The following UCHL5 variants were observed in gnomAD, a reference collection of about 807,000 sequenced individuals.
The protein encoded by UCHL5 is ubiquitin C-terminal hydrolase L5.
UCHL5 carries 34 observed loss-of-function variants against 53.8 expected under a neutral mutation model. That is an observed-to-expected ratio of 0.63 (90% CI 0.48 to 0.84). The LOEUF is 0.84. UCHL5 is among the 40% of genes least tolerant of loss of function. The pLI, the probability that UCHL5 is intolerant of heterozygous loss-of-function variation, is 0.00. For missense variants in UCHL5, 290 were observed against 385.6 expected (o/e 0.75, Z 2.08); for synonymous variants, 111 against 126.3 (o/e 0.88, Z 0.81).
At chr1:193,046,329 C>A (rs1571850296) in intron 3 of UCHL5, among the ~76,000 whole-genome samples, 1 of 152,030 alleles carries the variant, frequency 6.6e-6, no homozygotes, top group African/African-American at 2.4e-5. Context: ...CCATGCCCGA[C>A]CAGATTATTT....
intron 3 of UCHL5, among the ~76,000 whole-genome samples, chr1:193,034,544 C>T (rs927851643): frequency 9.2e-5 from 14 of 152,012 alleles, no homozygotes; most frequent in African/African-American, 2.9e-4. Context: ...CTTAATTTTA[C>T]ACAAATTGTT....
rs535581107 is a variant in UCHL5, at chr1:193,056,989, A to T, written c.76+2196T>A. On this transcript the variant is annotated intron_variant, in intron 1 of 10. Transcript: ENST00000367454. ...TATCATTCTTTCATGCATGATCTCC[A>T]AGTTTTCTGCACATATGAAATTGAA... Among the ~76,000 whole-genome samples the T allele has an allele frequency of 8.5e-5, 13 of 152,336 alleles. No homozygotes were observed. The East Asian group carries it at 1.7e-3, about 20-fold the overall frequency.
intron 7 of UCHL5, among the ~76,000 whole-genome samples, chr1:193,025,585 A>G (rs1050911639): frequency 6.6e-6 from 1 of 151,992 alleles, no homozygotes; most frequent in African/African-American, 2.4e-5. Context: ...GGGCTAGAAC[A>G]CCCATCTCTG....
chr1:193,039,163 G>C (rs779901258), intron 3 of UCHL5, among the ~76,000 whole-genome samples: 2 of 152,186 alleles, frequency 1.3e-5, no homozygotes, highest in Non-Finnish European at 2.9e-5. Flanking sequence ...TACTTTGGGA[G>C]CCCAAGGCGG....
chr1:193,016,540 C>T (rs1220766504), intron 10 of UCHL5, 145 bp from the exon 11 acceptor site: 2 of 674,604 alleles, frequency 3.0e-6, no homozygotes, highest in Admixed American at 7.8e-5. Context: ...TGTTTTATAA[C>T]TTGAGACTTA....
chr1:193,027,581 A>G (rs1239905221), intron 7 of UCHL5, among the ~76,000 whole-genome samples: 1 of 152,172 alleles, frequency 6.6e-6, no homozygotes, highest in Non-Finnish European at 1.5e-5. Flanking sequence ...GCTACTCGGG[A>G]AGCTGAGACA....
chr1:193,043,453 G>A (rs534702233), intron 3 of UCHL5, among the ~76,000 whole-genome samples: 8 of 152,134 alleles, frequency 5.3e-5, no homozygotes, highest in Non-Finnish European at 8.8e-5. Context: ...TACTCAGAGA[G>A]GCTTTCTCTC....
rs775409012 is a variant in UCHL5, at chr1:193,029,566, T to G, written c.338A>C (p.Glu113Ala). ...QDVHLGETLS[E>A]FKEFSQSFDA... ...AAAACTTTGTGAAAATTCTTTAAACTCTGATAATGTCTCGCCTAAATGGAC... is the reference window on the plus strand; with the variant it reads ...AAAACTTTGTGAAAATTCTTTAAACGCTGATAATGTCTCGCCTAAATGGAC... Residue 113 changes from glutamate to alanine, a missense_variant, in exon 4 of 11, where the codon GAG (glutamate) becomes GCG (alanine). By Grantham distance (107) the Glu-to-Ala change is moderately radical. Coordinates refer to ENST00000367454, the MANE Select transcript of UCHL5 (RefSeq NM_001199261.3). 2.5e-6 allele frequency: 4 copies of G among 1,613,654 alleles called. No homozygotes were observed. In the East Asian group the frequency reaches 8.9e-5, roughly 36 times the overall value.
intron 3 of UCHL5, among the ~76,000 whole-genome samples, chr1:193,032,253 C>A (rs1016062756): frequency 3.3e-5 from 5 of 152,004 alleles, no homozygotes; most frequent in Non-Finnish European, 7.4e-5. Flanking sequence ...AAATTATAGT[C>A]AATCAAAAAA....
At chr1:193,031,970 C>T (rs1188119739) in intron 3 of UCHL5, among the ~76,000 whole-genome samples, 1 of 152,120 alleles carries the variant, frequency 6.6e-6, no homozygotes, top group East Asian at 1.9e-4. Context: ...AGAAATGAGG[C>T]TAGAGCAGAG....
rs770059388 is a variant in UCHL5, at chr1:193,051,757, A to G, written c.137T>C (p.Leu46Ser). Residue 46 changes from leucine to serine, a missense_variant, in exon 2 of 11, where the codon TTA (leucine) becomes TCA (serine). By Grantham distance (145) the Leu-to-Ser change is moderately radical. Coordinates refer to ENST00000367454, the MANE Select transcript of UCHL5 (RefSeq NM_001199261.3). ...WSLEPENFEKLKPVHGLIFLF... is the reference protein window; with the variant it reads ...WSLEPENFEKSKPVHGLIFLF... Reference sequence around the variant, plus strand: ...ACACAACTAAAATTATACTTACTTTAATTTTTCAAAATTCTCAGGCTCTAA... The same window carrying G: ...ACACAACTAAAATTATACTTACTTTGATTTTTCAAAATTCTCAGGCTCTAA... 12 of 1,584,680 alleles carry G rather than the reference A, an allele frequency of 7.6e-6. No homozygotes were observed. The highest frequency in any genetic ancestry group is 1.0e-5 in the Non-Finnish European group (12 of 1,162,920).
At chr1:193,056,374 C>A (rs980848627) in intron 1 of UCHL5, among the ~76,000 whole-genome samples, 1 of 151,978 alleles carries the variant, frequency 6.6e-6, no homozygotes. Flanking sequence ...CAACTCTGAT[C>A]TTTATTATTT....
chr1:193,022,140 G>T (rs956218332), intron 9 of UCHL5, among the ~76,000 whole-genome samples: 1 of 151,686 alleles, frequency 6.6e-6, no homozygotes, highest in Non-Finnish European at 1.5e-5. Context: ...TTCCCGCCTG[G>T]AATACTCTAG....
intron 1 of UCHL5, among the ~76,000 whole-genome samples, chr1:193,058,172 G>A (rs933411315): frequency 1.5e-4 from 22 of 151,688 alleles, no homozygotes; most frequent in African/African-American, 4.1e-4. Flanking sequence ...GGTTGCAGTG[G>A]GCCAAGATCG....
intron 2 of UCHL5, among the ~76,000 whole-genome samples, chr1:193,050,121 C>T (rs1187331969): frequency 6.6e-6 from 1 of 152,058 alleles, no homozygotes; most frequent in Non-Finnish European, 1.5e-5. Context: ...CCTGATATTA[C>T]CTCACTTAAA....
chr1:193,015,716 T>A lies in UCHL5; in HGVS notation c.*635A>T, dbSNP rs1654790059. Reference sequence around the variant, plus strand: ...TAATACTCAGACCTTCCTGAAACAATTCTCTAATACATAAACAAATAACCC... The same window carrying A: ...TAATACTCAGACCTTCCTGAAACAAATCTCTAATACATAAACAAATAACCC... On this transcript the variant is annotated 3_prime_UTR_variant, in exon 11 of 11. Coordinates refer to ENST00000367454, the MANE Select transcript of UCHL5 (RefSeq NM_001199261.3). 1 of 152,010 alleles carries A rather than the reference T, an allele frequency of 6.6e-6. No individual in the cohort carries two copies. The highest frequency in any genetic ancestry group is 2.4e-5 in the African/African-American group (1 of 41,434). 9.4% of individuals were successfully genotyped at this position (152,010 alleles called of 1,614,324 possible).
intron 6 of UCHL5, 39 bp from the exon 7 acceptor site, chr1:193,028,187 T>C (rs754927980): frequency 6.6e-7 from 1 of 1,514,030 alleles, no homozygotes. Flanking sequence ...CAAATAAAAA[T>C]AAGAACAATC....
intron 9 of UCHL5, 36 bp from the exon 10 acceptor site, chr1:193,021,231 T>G: frequency 1.5e-6 from 2 of 1,356,930 alleles, no homozygotes; most frequent in Non-Finnish European, 1.0e-6. Flanking sequence ...TAACTACATT[T>G]CTGCTAATTT....
At chr1:193,059,450 C>A, upstream of UCHL5, 1 of 1,609,926 alleles carries the variant, frequency 6.2e-7, no homozygotes, top group East Asian at 2.2e-5. The surrounding 1 kb of genome is among the most constrained non-coding windows in gnomAD (Gnocchi z 4.9). Context: ...GCTCTAGCCA[C>A]CCTAGAGACA....
Sources: allele counts gnomAD v4.1 joint callset (sites outside exome capture counted in the v4.1 genomes callset), GRCh38; gene constraint gnomAD v4.1.1; non-coding constraint Gnocchi (gnomAD v3.1); transcripts MANE v1.5; gene names NCBI Gene and HGNC (gene_info 2026-07-23, HGNC 2026-07-21).